Variants in AKR1E2 observed in about 807,000 individuals in gnomAD.
AKR1E2 encodes 1,5-anhydro-D-fructose reductase.
AKR1E2 carries 43 observed loss-of-function variants against 41.9 expected under a neutral mutation model. That is an observed-to-expected ratio of 1.03 (90% confidence interval 0.80 to 1.32). AKR1E2 has a LOEUF of 1.32. Ranked by LOEUF, AKR1E2 falls within the 40% of genes most tolerant of loss-of-function variation. The pLI, the probability that AKR1E2 is intolerant of heterozygous loss-of-function variation, is 0.00. For missense variants in AKR1E2, 423 were observed against 396.5 expected (o/e 1.07, Z -0.57); for synonymous variants, 121 against 138.9 (o/e 0.87, Z 0.91).
the AKR1E2 span, among the ~76,000 whole-genome samples, chr10:4,860,695 C>A: frequency 9.5e-4 from 145 of 152,256 alleles, no homozygotes; most frequent in Non-Finnish European, 1.7e-3. Flanking sequence ...AAAATAAGAG[C>A]TTTATTAATA....
chr10:4,864,822 A>G, the AKR1E2 span, among the ~76,000 whole-genome samples: 11 of 152,372 alleles, frequency 7.2e-5, no homozygotes, highest in East Asian at 2.1e-3. Flanking sequence ...ATAACAGAGT[A>G]AGTGAATTAT....
At chr10:4,838,410 G>A (rs927975083) in intron 5 of AKR1E2, among the ~76,000 whole-genome samples, 6 of 152,174 alleles carry the variant, frequency 3.9e-5, no homozygotes, top group African/African-American at 1.4e-4. Context: ...TCTGTTTTGT[G>A]AATTAACCAC....
intron 3 of AKR1E2, 118 bp from the exon 4 acceptor site, chr10:4,835,557 G>T (rs1189400200): frequency 5.4e-6 from 7 of 1,306,518 alleles, no homozygotes; most frequent in African/African-American, 1.5e-5. Context: ...CTGGTCACAT[G>T]GCCAGGCTGG....
rs1832476828 is a variant in AKR1E2, at chr10:4,826,221, C to A, written c.-104C>A. On this transcript the variant is annotated 5_prime_UTR_variant, in exon 1 of 10. Coordinates refer to ENST00000298375, the MANE Select transcript of AKR1E2 (RefSeq NM_001040177.3). ...GAGTGTCAGCCGTCACAAGGCACTT[C>A]CAGCCAGTCGCAACGGCGGGTCGCC... The A allele has an allele frequency of 4.3e-6, 4 of 938,338 alleles. No individual in the cohort carries two copies. The highest frequency in any genetic ancestry group is 3.3e-5 in the East Asian group (1 of 30,332). The allele number at this position is 938,338 out of a possible 1,614,324, so 58.1% of individuals were successfully genotyped here. A position where few individuals can be genotyped will look rare whatever the true frequency, so the allele number is the denominator to read the frequency against.
chr10:4,859,549 G>A, the AKR1E2 span, among the ~76,000 whole-genome samples: 1 of 152,202 alleles, frequency 6.6e-6, no homozygotes, highest in Non-Finnish European at 1.5e-5. Flanking sequence ...GCTAGAATTA[G>A]CATAGGAAAA....
intron 2 of AKR1E2, among the ~76,000 whole-genome samples, chr10:4,831,929 GGCCAGGTAGGA>G (rs1335330138): frequency 6.6e-6 from 1 of 152,222 alleles, no homozygotes; most frequent in African/African-American, 2.4e-5. Flanking sequence ...AGAGGCAGGA[GGCCAGGTAGGA>G]GACATTAACA....
downstream of AKR1E2, among the ~76,000 whole-genome samples, chr10:4,851,627 A>T (rs753132132): frequency 6.6e-6 from 1 of 152,232 alleles, no homozygotes; most frequent in Admixed American, 6.5e-5. Flanking sequence ...TGTGCCAGGT[A>T]CTATTCTATA....
At chr10:4,864,953 T>C in the AKR1E2 span, among the ~76,000 whole-genome samples, 1 of 152,194 alleles carries the variant, frequency 6.6e-6, no homozygotes, top group African/African-American at 2.4e-5. Context: ...AAATGAAATA[T>C]TCCTACATAT....
Position 4,835,727 on chromosome 10 carries a change from C to T in AKR1E2, c.377C>T (p.Ser126Leu). 1 of 1,614,180 alleles carries T rather than the reference C, an allele frequency of 6.2e-7. No individual in the cohort carries two copies. The highest frequency in any genetic ancestry group is 1.1e-5 in the South Asian group (1 of 91,082). Residue 126 changes from serine (S) to leucine (L), a missense_variant, in exon 4 of 10, where the codon TCA becomes TTA. Coordinates refer to ENST00000298375, the MANE Select transcript of AKR1E2 (RefSeq NM_001040177.3). ...TGCAGTGAACTTTCCTTCTGCCTCTCACATCCTCGAGTGCAGGACTTGCCT... is the reference window on the plus strand; with the variant it reads ...TGCAGTGAACTTTCCTTCTGCCTCTTACATCCTCGAGTGCAGGACTTGCCT... ...MSCSELSFCL[S>L]HPRVQDLPLD...
Position 4,841,883 on chromosome 10 carries a change from C to T in AKR1E2, c.753+26C>T, listed in dbSNP as rs374855224. The T allele has an allele frequency of 3.7e-6, 6 of 1,605,902 alleles. No individual in the cohort carries two copies. In the African/African-American group the frequency reaches 4.0e-5, roughly 11 times the overall value. ...GTAGGGAGGGAGGGCTGTTCTGAGCCAGGTGGGGTTCTCTGACCGCTCTAC... is the reference window on the plus strand; with the variant it reads ...GTAGGGAGGGAGGGCTGTTCTGAGCTAGGTGGGGTTCTCTGACCGCTCTAC... On this transcript the variant is annotated intron_variant, in intron 7 of 9. Transcript: ENST00000298375.
chr10:4,847,214 C>A lies in AKR1E2; in HGVS notation c.904C>A (p.Leu302Met). The A allele has an allele frequency of 6.2e-7, 1 of 1,614,158 alleles. No homozygotes were observed. Among genetic ancestry groups the A allele is most frequent in the Non-Finnish European group, 8.5e-7 (1 of 1,179,990 alleles). Residue 302 changes from leucine to methionine, a missense_variant, in exon 9 of 10, where the codon CTG becomes ATG. Coordinates refer to ENST00000298375, the MANE Select transcript of AKR1E2 (RefSeq NM_001040177.3). ...CCTCAGCCTAAACAGGAATCTCCGACTGGCCATGTTCCCCATGTAAATATG... is the reference window on the plus strand; with the variant it reads ...CCTCAGCCTAAACAGGAATCTCCGAATGGCCATGTTCCCCATGTAAATATG... Reference protein sequence around the residue: ...NILSLNRNLRLAMFPITKNHK... With the variant: ...NILSLNRNLRMAMFPITKNHK...
the AKR1E2 span, among the ~76,000 whole-genome samples, chr10:4,869,959 A>G: frequency 6.6e-6 from 1 of 152,028 alleles, no homozygotes; most frequent in Admixed American, 6.6e-5. Flanking sequence ...TGGCCAGAAT[A>G]TGGTCTGCTT....
the AKR1E2 span, among the ~76,000 whole-genome samples, chr10:4,866,045 G>T: frequency 6.6e-6 from 1 of 152,146 alleles, no homozygotes. Flanking sequence ...CAAATCCCAG[G>T]ACAGACGTGA....
At chr10:4,856,058 A>C in the AKR1E2 span, among the ~76,000 whole-genome samples, 1 of 152,222 alleles carries the variant, frequency 6.6e-6, no homozygotes, top group Non-Finnish European at 1.5e-5. Context: ...TTTTCACCAA[A>C]AGTAAAAGTC....
the AKR1E2 span, among the ~76,000 whole-genome samples, chr10:4,863,352 G>T: frequency 6.6e-6 from 1 of 152,188 alleles, no homozygotes; most frequent in African/African-American, 2.4e-5. Context: ...ACCTGCTCCT[G>T]AATGACTACT....
chr10:4,872,763 C>T, the AKR1E2 span, among the ~76,000 whole-genome samples: 1 of 152,078 alleles, frequency 6.6e-6, no homozygotes, highest in Non-Finnish European at 1.5e-5. Flanking sequence ...ATAAAATAAG[C>T]TAAATAAACT....
the AKR1E2 span, among the ~76,000 whole-genome samples, chr10:4,853,119 T>C: frequency 3.3e-5 from 5 of 152,208 alleles, no homozygotes; most frequent in Non-Finnish European, 4.4e-5. Context: ...CTAAAAACTA[T>C]TGTAGCATAT....
At chr10:4,867,392 G>A in the AKR1E2 span, among the ~76,000 whole-genome samples, 2 of 152,124 alleles carry the variant, frequency 1.3e-5, no homozygotes, top group South Asian at 2.1e-4. Context: ...AAACATTTCC[G>A]TCACCATGAG....
At chr10:4,832,072 A>G (rs1189063630) in intron 2 of AKR1E2, among the ~76,000 whole-genome samples, 14 of 150,614 alleles carry the variant, frequency 9.3e-5, no homozygotes, top group African/African-American at 3.4e-4. Flanking sequence ...GTGGACTACG[A>G]TAGTGGAGAA....
Sources: allele counts gnomAD v4.1 joint callset (sites outside exome capture counted in the v4.1 genomes callset), GRCh38; gene constraint gnomAD v4.1.1; transcripts MANE v1.5; gene names NCBI Gene and HGNC (gene_info 2026-07-23, HGNC 2026-07-21).